The following RYR3 variants were observed in gnomAD, a reference collection of about 807,000 sequenced individuals.
RYR3 encodes brain ryanodine receptor-calcium release channel.
A neutral mutation model predicts 584.3 loss-of-function variants in RYR3; 207 were observed. The observed-to-expected ratio is 0.35, with a 90% CI of 0.32 to 0.40. The LOEUF is 0.40. Among genes scored for constraint, RYR3 ranks in the 10% least tolerant of loss-of-function variants. RYR3 has a pLI of 1.00. For synonymous variants in RYR3, 2,416 were observed against 2,248.5 expected, an observed-to-expected ratio of 1.07 and a Z score of -2.11; for missense variants, 5,616 against 6,089.2, an observed-to-expected ratio of 0.92 and a Z score of 2.59.
chr15:33,768,606 G>A lies in RYR3; in HGVS notation c.8706-52G>A, dbSNP rs369021559. On this transcript the variant is annotated intron_variant, in intron 60 of 103. Coordinates refer to ENST00000634891, the MANE Select transcript of RYR3 (RefSeq NM_001036.6). ...GACATTGGGGTGGGGGATACAAAGC[G>A]TGAGTCCTTTAATCTCTGTGACTTT... 2.1e-4 allele frequency: 315 copies of A among 1,532,774 alleles called. 1 individual carries two copies. In the Middle Eastern group the frequency reaches 2.4e-3, roughly 11 times the overall value. The allele number at this position is 1,532,774 out of a possible 1,614,324, so 94.9% of individuals were successfully genotyped here.
chr15:33,513,498 C>T (rs201543928), intron 3 of RYR3, among the ~76,000 whole-genome samples: 44 of 152,276 alleles, frequency 2.9e-4, no homozygotes, highest in East Asian at 1.5e-3. Flanking sequence ...TATATTTAGG[C>T]GAACCATGGT....
At chr15:33,736,873 T>A (rs2069521507) in intron 49 of RYR3, among the ~76,000 whole-genome samples, 2 of 152,014 alleles carry the variant, frequency 1.3e-5, no homozygotes, top group South Asian at 4.2e-4. Flanking sequence ...CTCAGCCTCC[T>A]GAGTAGCTGG....
intron 60 of RYR3, among the ~76,000 whole-genome samples, chr15:33,765,632 C>CAAAAAAAA (rs761552773): frequency 1.7e-3 from 104 of 60,678 alleles, no homozygotes; most frequent in East Asian, 5.3e-3. Context: ...GACTCCGTCT[C>CAAAAAAAA]AAAAAAAAAA....
intron 85 of RYR3, among the ~76,000 whole-genome samples, chr15:33,829,703 G>A (rs1374233487): frequency 6.6e-6 from 1 of 150,804 alleles, no homozygotes; most frequent in Non-Finnish European, 1.5e-5. Flanking sequence ...CAGTGAGCCA[G>A]ATTGCGCCGC....
At chr15:33,689,300 A>G (rs376759609) in intron 38 of RYR3, among the ~76,000 whole-genome samples, 60 of 152,132 alleles carry the variant, frequency 3.9e-4, no homozygotes, top group African/African-American at 1.2e-3. Flanking sequence ...CAGCACACCA[A>G]CATGGCACAT....
rs577752710 is a variant in RYR3, at chr15:33,808,588, C to T, written c.10026+1019C>T. Reference sequence around the variant, plus strand: ...TAGTTTATATACATATAACCAGGTTCTATGTTTTATGGATGATTTGAAACA... The same window carrying T: ...TAGTTTATATACATATAACCAGGTTTTATGTTTTATGGATGATTTGAAACA... On this transcript the variant is annotated intron_variant, in intron 70 of 103. Transcript: ENST00000634891. 2.7e-4 allele frequency among the ~76,000 whole-genome samples: 41 copies of T among 152,326 alleles called. No individual in the cohort carries two copies. In the East Asian group the frequency reaches 7.0e-3, roughly 26 times the overall value.
chr15:33,686,615 C>T (rs1038079398), intron 38 of RYR3, among the ~76,000 whole-genome samples: 11 of 152,068 alleles, frequency 7.2e-5, no homozygotes, highest in Non-Finnish European at 1.5e-5. Flanking sequence ...CTGGCAGAGA[C>T]ACAACAAAAA....
intron 80 of RYR3, 125 bp from the exon 81 acceptor site, chr15:33,822,871 A>T (rs2077182642): frequency 3.1e-6 from 2 of 645,756 alleles, no homozygotes; most frequent in South Asian, 5.0e-5. Context: ...ACCCCATGGG[A>T]CTCTGATTCC....
At chr15:33,638,440 T>C (rs1390647305) in intron 27 of RYR3, among the ~76,000 whole-genome samples, 2 of 152,212 alleles carry the variant, frequency 1.3e-5, no homozygotes, top group African/African-American at 4.8e-5. Context: ...GCCCTGCTAT[T>C]GTGTGAACTG....
intron 44 of RYR3, among the ~76,000 whole-genome samples, chr15:33,723,096 A>G (rs763080514): frequency 2.6e-5 from 4 of 152,156 alleles, no homozygotes; most frequent in Non-Finnish European, 5.9e-5. Context: ...ACCCCCTTCC[A>G]TTTTCTCTAC....
At chr15:33,813,874 G>C (rs1424484317) in intron 74 of RYR3, 3 of 240,842 alleles carry the variant, frequency 1.2e-5, no homozygotes, top group Non-Finnish European at 2.4e-5. Context: ...TGGGATTCTT[G>C]GTTAGCATGT....
At chr15:33,538,450 A>G (rs2055521377) in intron 5 of RYR3, among the ~76,000 whole-genome samples, 1 of 152,132 alleles carries the variant, frequency 6.6e-6, no homozygotes. Flanking sequence ...CAGGGTATAA[A>G]GTTTGAATTC....
At chr15:33,576,614 C>T (rs555407326) in intron 12 of RYR3, among the ~76,000 whole-genome samples, 5 of 152,140 alleles carry the variant, frequency 3.3e-5, no homozygotes, top group Non-Finnish European at 5.9e-5. Flanking sequence ...TGGGATATAC[C>T]TCAAAATAAT....
intron 43 of RYR3, among the ~76,000 whole-genome samples, chr15:33,709,302 T>C (rs4780159): frequency 0.08 from 12,228 of 152,050 alleles, 1,056 homozygotes; most frequent in African/African-American, 0.22. Context: ...TTATATCTTA[T>C]TGAGGAGATC....
At chr15:33,432,042 C>G (rs908554813) in intron 1 of RYR3, among the ~76,000 whole-genome samples, 15 of 152,118 alleles carry the variant, frequency 9.9e-5, no homozygotes, top group African/African-American at 2.9e-4. Flanking sequence ...TCATTGTTTA[C>G]CTTGCCTTCA....
intron 1 of RYR3, among the ~76,000 whole-genome samples, chr15:33,450,002 C>G (rs2046976993): frequency 6.8e-6 from 1 of 146,970 alleles, no homozygotes; most frequent in East Asian, 2.1e-4. Flanking sequence ...CCTGCCCTTC[C>G]CTTCTAGAGG....
intron 43 of RYR3, among the ~76,000 whole-genome samples, chr15:33,711,218 T>C (rs1275408189): frequency 4.0e-5 from 6 of 150,430 alleles, no homozygotes; most frequent in African/African-American, 1.2e-4. Flanking sequence ...GAAGCAGCCA[T>C]GCCACTTCTT....
intron 1 of RYR3, among the ~76,000 whole-genome samples, chr15:33,420,936 A>G (rs923833376): frequency 1.3e-5 from 2 of 151,992 alleles, no homozygotes; most frequent in African/African-American, 4.8e-5. Context: ...TGTACCATGC[A>G]GTGTGCTGGA....
At chr15:33,649,637 T>C (rs2062342949) in intron 31 of RYR3, among the ~76,000 whole-genome samples, 1 of 152,200 alleles carries the variant, frequency 6.6e-6, no homozygotes. Flanking sequence ...CTAACTGATA[T>C]ACTCAGAACT....
Sources: allele counts gnomAD v4.1 joint callset (sites outside exome capture counted in the v4.1 genomes callset), GRCh38; gene constraint gnomAD v4.1.1; transcripts MANE v1.5; gene names NCBI Gene and HGNC (gene_info 2026-07-23, HGNC 2026-07-21).